The following L3MBTL4 variants were observed in gnomAD, a reference collection of about 807,000 sequenced individuals.
The protein encoded by L3MBTL4 is L3MBTL histone methyl-lysine binding protein 4.
L3MBTL4 carries 70 observed loss-of-function variants against 84.5 expected under a neutral mutation model. That is an observed-to-expected ratio of 0.83 (90% CI 0.68 to 1.01). The LOEUF (loss-of-function observed/expected upper bound fraction) is 1.01, where lower values mean the gene tolerates loss of function less well. Among genes scored for constraint, L3MBTL4 ranks in the 50% least tolerant of loss-of-function variants. L3MBTL4 has a pLI of 0.00. For missense variants in L3MBTL4, 715 were observed against 754.8 expected (o/e 0.95, Z 0.62); for synonymous variants, 274 against 259.8 (o/e 1.05, Z -0.52).
At chr18:6,199,659 A>G (rs574382661) in intron 12 of L3MBTL4, among the ~76,000 whole-genome samples, 2 of 152,370 alleles carry the variant, frequency 1.3e-5, no homozygotes, top group East Asian at 3.9e-4. Context: ...TGCTATCCAC[A>G]GCTCCGGGCA....
intron 16 of L3MBTL4, chr18:6,031,461 A>T (rs1239460859): frequency 8.1e-6 from 8 of 985,354 alleles, no homozygotes; most frequent in African/African-American, 1.7e-5. Context: ...TTGCCTCTTG[A>T]GAAATTCAGG....
At chr18:6,015,870 G>T (rs1645457144) in intron 16 of L3MBTL4, among the ~76,000 whole-genome samples, 1 of 152,188 alleles carries the variant, frequency 6.6e-6, no homozygotes, top group Non-Finnish European at 1.5e-5. Flanking sequence ...TGAGGCAGGA[G>T]AATCGCTTGA....
At chr18:6,387,878 TAAAG>T (rs1267771984) in intron 1 of L3MBTL4, among the ~76,000 whole-genome samples, 3 of 152,146 alleles carry the variant, frequency 2.0e-5, no homozygotes, top group Admixed American at 6.5e-5. Flanking sequence ...GTAGTATAAA[TAAAG>T]ATAGTTTTCA....
intron 12 of L3MBTL4, among the ~76,000 whole-genome samples, chr18:6,180,954 C>T (rs368079501): frequency 1.2e-4 from 19 of 152,144 alleles, no homozygotes; most frequent in African/African-American, 4.1e-4. Context: ...CCAAAAGGAA[C>T]GACGTTCTGA....
intron 4 of L3MBTL4, among the ~76,000 whole-genome samples, chr18:6,272,126 CAGAG>C (rs2048899369): frequency 6.6e-6 from 1 of 152,046 alleles, no homozygotes; most frequent in African/African-American, 2.4e-5. Context: ...GAAATGCACC[CAGAG>C]AGAGAGGAAA....
chr18:6,215,029 T>C (rs1263917313), intron 11 of L3MBTL4, among the ~76,000 whole-genome samples: 3 of 152,138 alleles, frequency 2.0e-5, no homozygotes, highest in African/African-American at 4.8e-5. Flanking sequence ...AAATGAAATA[T>C]CATTTTGTTT....
intron 4 of L3MBTL4, among the ~76,000 whole-genome samples, chr18:6,265,016 C>T (rs962874794): frequency 3.9e-5 from 6 of 152,146 alleles, no homozygotes; most frequent in Admixed American, 3.3e-4. Context: ...TTGTAGACAA[C>T]TGTCTAAAGG....
intron 4 of L3MBTL4, among the ~76,000 whole-genome samples, chr18:6,271,348 TA>T (rs763663751): frequency 5.3e-4 from 80 of 152,108 alleles, no homozygotes; most frequent in Non-Finnish European, 1.0e-3. Flanking sequence ...TTGTACACAC[TA>T]AAGTAACACA....
intron 10 of L3MBTL4, among the ~76,000 whole-genome samples, chr18:6,219,312 C>G (rs1401539211): frequency 6.6e-6 from 1 of 151,970 alleles, no homozygotes; most frequent in Admixed American, 6.5e-5. Context: ...TGAGCTCCCT[C>G]TGGAGGCCAA....
chr18:6,375,980 T>A (rs893208311), intron 1 of L3MBTL4, among the ~76,000 whole-genome samples: 4 of 152,116 alleles, frequency 2.6e-5, no homozygotes, highest in Non-Finnish European at 5.9e-5. Context: ...TAAGAACTCA[T>A]CCCTGCCCTG....
At chr18:6,308,389 A>C (rs2050686610) in intron 3 of L3MBTL4, among the ~76,000 whole-genome samples, 1 of 152,226 alleles carries the variant, frequency 6.6e-6, no homozygotes, top group Non-Finnish European at 1.5e-5. Context: ...TGGTTTATCA[A>C]AATTTACGAG....
chr18:6,256,284 T>C lies in L3MBTL4; in HGVS notation c.219+7663A>G, dbSNP rs540379331. Among the ~76,000 whole-genome samples, 3 of 152,318 alleles carry C rather than the reference T, an allele frequency of 2.0e-5. No homozygotes were observed. In the South Asian group the frequency reaches 6.2e-4, roughly 32 times the overall value. ...GAAAAATTCCATTTTTAAAATATAA[T>C]TCAGGCATAGGTGAAGAACTTAAAT... On this transcript the variant is annotated intron_variant, in intron 5 of 18. Transcript: ENST00000317931.
intron 14 of L3MBTL4, 86 bp downstream of exon 14, chr18:6,138,108 G>T: frequency 1.2e-6 from 1 of 834,524 alleles, no homozygotes; most frequent in Non-Finnish European, 1.9e-6. Context: ...GGCTCCATGA[G>T]ACTCATTTAT....
intron 1 of L3MBTL4, chr18:6,394,945 A>C (rs1279091639): frequency 3.3e-5 from 5 of 152,186 alleles, no homozygotes; most frequent in African/African-American, 1.2e-4. Flanking sequence ...TCCCTTCAAT[A>C]CACAAAAGAA....
chr18:6,009,902 A>AC (rs34786414), intron 16 of L3MBTL4, among the ~76,000 whole-genome samples: 18,596 of 152,042 alleles, frequency 0.12, 1,473 homozygotes, highest in African/African-American at 0.21. Context: ...CTTAAATGAG[A>AC]CTACAAACAA....
At chr18:6,058,529 G>C (rs2057101514) in intron 16 of L3MBTL4, among the ~76,000 whole-genome samples, 1 of 152,054 alleles carries the variant, frequency 6.6e-6, no homozygotes, top group East Asian at 1.9e-4. Flanking sequence ...AAGAGAAAAA[G>C]TGTCTCACAC....
intron 16 of L3MBTL4, among the ~76,000 whole-genome samples, chr18:6,007,734 T>C (rs1166651964): frequency 6.6e-6 from 1 of 152,182 alleles, no homozygotes; most frequent in Non-Finnish European, 1.5e-5. Context: ...AATATAATGA[T>C]ATATCCATCC....
At chr18:6,075,808 T>TA (rs1202939504) in intron 16 of L3MBTL4, among the ~76,000 whole-genome samples, 4 of 151,642 alleles carry the variant, frequency 2.6e-5, no homozygotes, top group African/African-American at 7.3e-5. Flanking sequence ...TACATATCAA[T>TA]AAAAAAAGAC....
intron 16 of L3MBTL4, among the ~76,000 whole-genome samples, chr18:6,022,483 A>G (rs1225488303): frequency 6.6e-6 from 1 of 152,226 alleles, no homozygotes; most frequent in Non-Finnish European, 1.5e-5. Flanking sequence ...GGACAAGTTT[A>G]TAGACATCCA....
Sources: gnomAD v4.1 joint callset for allele counts (sites outside exome capture counted in the v4.1 genomes callset) on GRCh38, gnomAD v4.1.1 for gene constraint, MANE v1.5 for transcripts, NCBI Gene and HGNC (gene_info 2026-07-23, HGNC 2026-07-21) for gene names.